The following FUBP3 variants were observed in gnomAD, a reference collection of about 807,000 sequenced individuals.
The protein encoded by FUBP3 is far upstream element-binding protein 3.
A neutral mutation model predicts 85.6 loss-of-function variants in FUBP3; 28 were observed. That is an observed-to-expected ratio of 0.33 (90% CI 0.24 to 0.45). FUBP3 has a LOEUF of 0.45. Among genes scored for constraint, FUBP3 ranks in the 20% least tolerant of loss-of-function variants. The pLI is 1.00. For missense variants in FUBP3, 583 were observed against 755.1 expected, an observed-to-expected ratio of 0.77 and a Z score of 2.67; for synonymous variants, 271 against 271.4, an observed-to-expected ratio of 1.00 and a Z score of 0.01.
intron 18 of FUBP3, among the ~76,000 whole-genome samples, chr9:130,636,629 G>A (rs1026642424): frequency 1.3e-5 from 2 of 152,208 alleles, no homozygotes; most frequent in African/African-American, 2.4e-5. Context: ...GGCCAAAAAC[G>A]GATTTCTTAT....
chr9:130,636,324 T>G lies in FUBP3; in HGVS notation c.1710+198T>G, dbSNP rs774012715. ...CCCTCCTCGCTCTGGAGAAAAAGAG[T>G]TTAGGCCAAGTGGGAGGATTGGGGG... On this transcript the variant is annotated intron_variant, in intron 18 of 18. Coordinates refer to ENST00000319725, the MANE Select transcript of FUBP3 (RefSeq NM_003934.2). The G allele has an allele frequency of 3.8e-4, 262 of 691,908 alleles. 2 individuals are homozygous for G. Among genetic ancestry groups the G allele is most frequent in the Non-Finnish European group, 7.0e-5 (27 of 387,364 alleles). 42.9% of individuals were successfully genotyped at this position (691,908 alleles called of 1,614,324 possible). A position where few individuals can be genotyped will look rare whatever the true frequency, so the allele number is the denominator to read the frequency against.
intron 1 of FUBP3, among the ~76,000 whole-genome samples, chr9:130,590,021 ATTTTTTTTTTT>A (rs60878897): frequency 5.9e-4 from 27 of 45,996 alleles, no homozygotes; most frequent in East Asian, 2.4e-3. Context: ...GGCCTATTTA[ATTTTTTTTTTT>A]TTTTTTTTTT....
At chr9:130,619,064 G>A (rs372007302) in intron 8 of FUBP3, among the ~76,000 whole-genome samples, 4 of 152,164 alleles carry the variant, frequency 2.6e-5, no homozygotes, top group South Asian at 2.1e-4. Context: ...CTCAGCGTCC[G>A]GCCGTGGGCT....
intron 5 of FUBP3, 59 bp downstream of exon 5, chr9:130,613,086 T>C (rs2119073460): frequency 1.8e-6 from 2 of 1,088,962 alleles, no homozygotes; most frequent in South Asian, 1.3e-5. Flanking sequence ...TGCAAAACTT[T>C]CCAGATTCGG....
chr9:130,624,349 T>C (rs991758822), intron 11 of FUBP3, among the ~76,000 whole-genome samples: 1 of 152,226 alleles, frequency 6.6e-6, no homozygotes, highest in Non-Finnish European at 1.5e-5. Flanking sequence ...GTGCTCTCTA[T>C]GTGATCCCCT....
intron 2 of FUBP3, among the ~76,000 whole-genome samples, chr9:130,606,383 T>A (rs2119056941): frequency 6.6e-6 from 1 of 151,436 alleles, no homozygotes; most frequent in Admixed American, 6.6e-5. Context: ...TATTCCTCTC[T>A]CCCCACCCCC....
At position 130,610,841 on chromosome 9, in the gene FUBP3, T is replaced by G. The variant is rs150194923; in HGVS notation, c.224+854T>G. ...TTTATCCTGGGGTTTTTTTGGTGGT[T>G]GTTGTTATTGTTGTTTCTTTGTTTG... On this transcript the variant is annotated intron_variant, in intron 3 of 18. Coordinates refer to ENST00000319725, the MANE Select transcript of FUBP3 (RefSeq NM_003934.2). 4.0e-3 allele frequency among the ~76,000 whole-genome samples: 616 copies of G among 152,286 alleles called. 4 individuals are homozygous for G. Among genetic ancestry groups the G allele is most frequent in the African/African-American group, 0.013 (529 of 41,558 alleles).
chr9:130,600,956 CAT>C (rs2119039755), intron 2 of FUBP3, among the ~76,000 whole-genome samples: 1 of 152,190 alleles, frequency 6.6e-6, no homozygotes, highest in East Asian at 1.9e-4. Context: ...GCTTGGGTGA[CAT>C]AGTGATCTCA....
intron 1 of FUBP3, among the ~76,000 whole-genome samples, chr9:130,588,119 A>G (rs572810783): frequency 6.6e-6 from 1 of 152,202 alleles, no homozygotes; most frequent in East Asian, 1.9e-4. Context: ...ATTCTTATAT[A>G]TGTTCTTTCA....
At chr9:130,589,677 A>T (rs13292793) in intron 1 of FUBP3, among the ~76,000 whole-genome samples, 1 of 22,962 alleles carries the variant, frequency 4.4e-5, no homozygotes, top group Admixed American at 6.8e-4. Flanking sequence ...ATGTGTGTGT[A>T]TATATATATA....
chr9:130,595,141 G>A (rs937301556), intron 1 of FUBP3, among the ~76,000 whole-genome samples: 1 of 150,028 alleles, frequency 6.7e-6, no homozygotes, highest in Non-Finnish European at 1.5e-5. Context: ...CAGGAGAATC[G>A]CTTGAACCCG....
rs772564016 is a variant in FUBP3, at chr9:130,620,316, A to AT, written c.667-32dup. 6.1e-5 allele frequency: 78 copies of AT among 1,282,270 alleles called. 1 individual carries two copies. The Middle Eastern group carries it at 1.5e-3, about 25-fold the overall frequency. 79.4% of individuals were successfully genotyped at this position (1,282,270 alleles called of 1,614,324 possible). A position where few individuals can be genotyped will look rare whatever the true frequency, so the allele number is the denominator to read the frequency against. Reference sequence around the variant, plus strand: ...CCTGGTGATGTATCTTTTTTCAGGAATTTTTTCTCATAATGCTTTTTGTTT... The same window carrying AT: ...CCTGGTGATGTATCTTTTTTCAGGAATTTTTTTCTCATAATGCTTTTTGTTT... On this transcript the variant is annotated intron_variant, in intron 8 of 18. Transcript: ENST00000319725.
intron 1 of FUBP3, among the ~76,000 whole-genome samples, chr9:130,585,949 C>T (rs1588111467): frequency 1.3e-5 from 2 of 152,134 alleles, no homozygotes; most frequent in Admixed American, 1.3e-4. Flanking sequence ...TAGAATCATC[C>T]CAATTGAAAA....
chr9:130,618,787 G>T (rs1199325421), intron 8 of FUBP3, among the ~76,000 whole-genome samples: 2 of 152,186 alleles, frequency 1.3e-5, no homozygotes, highest in African/African-American at 4.8e-5. Flanking sequence ...AAAGTATCCA[G>T]TCCCTGGCAA....
At chr9:130,631,395 CGCAGCCTGCTGTGGGAAGGAA>C in intron 13 of FUBP3, 141 bp from the exon 14 acceptor site, 1 of 1,322,162 alleles carries the variant, frequency 7.6e-7, no homozygotes. Context: ...ATTTCTGCAG[CGCAGCCTGCTGTGGGAAGGAA>C]GGCTAGTGTG....
intron 1 of FUBP3, among the ~76,000 whole-genome samples, chr9:130,587,055 GT>G (rs369585277): frequency 0.36 from 42,947 of 118,968 alleles, 6,922 homozygotes; most frequent in East Asian, 0.61. Context: ...GGCGTTTTTT[GT>G]TTTTTTTTTT....
At chr9:130,614,374 C>G (rs1178401742) in intron 6 of FUBP3, 29 bp downstream of exon 6, 1 of 1,400,238 alleles carries the variant, frequency 7.1e-7, no homozygotes, top group Admixed American at 1.7e-5. Context: ...CTTTTTCTTT[C>G]ACTCTTCTTC....
chr9:130,632,818 C>T (rs967700107), intron 16 of FUBP3, among the ~76,000 whole-genome samples: 1 of 152,250 alleles, frequency 6.6e-6, no homozygotes, highest in Non-Finnish European at 1.5e-5. Context: ...GAATCAAAGC[C>T]GCCACCCTCT....
At chr9:130,592,493 C>A (rs1830669540) in intron 1 of FUBP3, among the ~76,000 whole-genome samples, 1 of 152,156 alleles carries the variant, frequency 6.6e-6, no homozygotes, top group African/African-American at 2.4e-5. Flanking sequence ...TCTTTTCCTT[C>A]CTTCCTTCTT....
Sources: gnomAD v4.1 joint callset for allele counts (sites outside exome capture counted in the v4.1 genomes callset) on GRCh38, gnomAD v4.1.1 for gene constraint, MANE v1.5 for transcripts, NCBI Gene and HGNC (gene_info 2026-07-23, HGNC 2026-07-21) for gene names.